PDCD1LG2: variants seen among roughly 807,000 people sequenced by gnomAD.
The protein encoded by PDCD1LG2 is programmed cell death 1 ligand 2, also known as B7 dendritic cell molecule.
PDCD1LG2 carries 32 observed loss-of-function variants against 28.2 expected under a neutral mutation model. The ratio of observed to expected loss-of-function variants is 1.13; its 90% confidence interval spans 0.86 to 1.52. The LOEUF is 1.52. Among genes scored for constraint, PDCD1LG2 ranks in the 40% most tolerant of loss-of-function variants. The pLI is 0.00. For missense variants in PDCD1LG2, 385 were observed against 323.8 expected (o/e 1.19, Z -1.45); for synonymous variants, 116 against 120.2 (o/e 0.97, Z 0.23).
At chr9:5,565,384 A>G (rs1317380781) in intron 6 of PDCD1LG2, among the ~76,000 whole-genome samples, 2 of 152,054 alleles carry the variant, frequency 1.3e-5, no homozygotes, top group African/African-American at 4.8e-5. Context: ...GGGTCTCACT[A>G]TGTTGCCCAG....
intron 6 of PDCD1LG2, among the ~76,000 whole-genome samples, chr9:5,567,617 C>A (rs1816691477): frequency 6.6e-6 from 1 of 152,154 alleles, no homozygotes; most frequent in Non-Finnish European, 1.5e-5. Flanking sequence ...ACATTGGGGG[C>A]TAAGAGATAT....
At chr9:5,553,029 C>A (rs906980661) in intron 4 of PDCD1LG2, among the ~76,000 whole-genome samples, 1 of 152,084 alleles carries the variant, frequency 6.6e-6, no homozygotes, top group African/African-American at 2.4e-5. Flanking sequence ...ATCACTTGAG[C>A]CCAGTAGATT....
chr9:5,565,316 G>A (rs569564969), intron 6 of PDCD1LG2, among the ~76,000 whole-genome samples: 147 of 152,104 alleles, frequency 9.7e-4, no homozygotes, highest in African/African-American at 3.3e-3. Flanking sequence ...TGAGTAGCTG[G>A]GACTACAGGT....
At chr9:5,529,154 T>G (rs895578741) in intron 2 of PDCD1LG2, among the ~76,000 whole-genome samples, 4 of 152,268 alleles carry the variant, frequency 2.6e-5, no homozygotes, top group Non-Finnish European at 5.9e-5. Context: ...ATTTTAATTT[T>G]GATGAAGTTT....
intron 1 of PDCD1LG2, among the ~76,000 whole-genome samples, chr9:5,512,008 T>C (rs889236022): frequency 1.6e-4 from 24 of 152,136 alleles, no homozygotes; most frequent in East Asian, 1.9e-4. Flanking sequence ...TCACCAGAAA[T>C]GAAATGTTCG....
At chr9:5,558,438 C>T (rs1183960773) in intron 5 of PDCD1LG2, among the ~76,000 whole-genome samples, 3 of 152,166 alleles carry the variant, frequency 2.0e-5, no homozygotes, top group South Asian at 2.1e-4. Context: ...CTGGGTGGAG[C>T]CTGCCCACAA....
chr9:5,569,183 C>T lies in PDCD1LG2; in HGVS notation c.817-771C>T, dbSNP rs1816723620. The stretch of plus-strand genomic sequence containing the variant: ...CAAGAGTGCTTCAGTTAGATCCTAG[C>T]AGGAAATGGAGGGTATGCTTAGAAG... On this transcript the variant is annotated intron_variant, in intron 6 of 6. Transcript: ENST00000397747. This position sits in a 1 kb window ranked among gnomAD's most constrained non-coding sequence, Gnocchi z 4.1. 6.6e-6 allele frequency among the ~76,000 whole-genome samples: 1 copy of T among 152,092 alleles called. No homozygotes were observed. The highest frequency in any genetic ancestry group is 2.4e-5 in the African/African-American group (1 of 41,406).
intron 3 of PDCD1LG2, among the ~76,000 whole-genome samples, chr9:5,545,525 T>G (rs948288737): frequency 2.6e-5 from 4 of 152,236 alleles, no homozygotes; most frequent in Admixed American, 6.5e-5. Flanking sequence ...AGAAAAATAT[T>G]ACTAAAGATA....
Position 5,567,557 on chromosome 9 carries a change from G to A in PDCD1LG2, c.817-2397G>A, listed in dbSNP as rs566432781. ...TAGTTATTACAGTCATCAAGCCTTG[G>A]TTAGAGTTTACAGACCATGTATCCT... On this transcript the variant is annotated intron_variant, in intron 6 of 6. Coordinates refer to ENST00000397747, the MANE Select transcript of PDCD1LG2 (RefSeq NM_025239.4). Among the ~76,000 whole-genome samples the A allele has an allele frequency of 9.8e-5, 15 of 152,298 alleles. 1 individual carries two copies. Among genetic ancestry groups the A allele is most frequent in the African/African-American group, 3.6e-4 (15 of 41,560 alleles).
chr9:5,550,828 G>C (rs369466161), intron 4 of PDCD1LG2, among the ~76,000 whole-genome samples: 6 of 152,102 alleles, frequency 3.9e-5, no homozygotes, highest in Non-Finnish European at 8.8e-5. Flanking sequence ...TGAGTAGCTG[G>C]GATTACAGGC....
chr9:5,562,886 G>C (rs746539482), intron 5 of PDCD1LG2, among the ~76,000 whole-genome samples: 1 of 152,216 alleles, frequency 6.6e-6, no homozygotes, highest in African/African-American at 2.4e-5. Flanking sequence ...ACATTTCCTG[G>C]ATTGAATACC....
chr9:5,558,195 A>G (rs1816485166), intron 5 of PDCD1LG2, among the ~76,000 whole-genome samples: 2 of 152,104 alleles, frequency 1.3e-5, no homozygotes, highest in African/African-American at 4.8e-5. Context: ...AGGAATCTCA[A>G]CCTCACGGTT....
intron 2 of PDCD1LG2, among the ~76,000 whole-genome samples, chr9:5,527,784 G>A (rs568238539): frequency 6.6e-6 from 1 of 152,170 alleles, no homozygotes; most frequent in Non-Finnish European, 1.5e-5. Context: ...AAGTATATGA[G>A]AGTTCTAATT....
At chr9:5,537,184 T>C (rs1820595969) in intron 3 of PDCD1LG2, among the ~76,000 whole-genome samples, 1 of 152,260 alleles carries the variant, frequency 6.6e-6, no homozygotes, top group African/African-American at 2.4e-5. Context: ...ATGGCATTGC[T>C]GTAACGAAAC....
chr9:5,518,041 G>C (rs1449593055), intron 1 of PDCD1LG2, among the ~76,000 whole-genome samples: 5 of 152,214 alleles, frequency 3.3e-5, no homozygotes, highest in Non-Finnish European at 5.9e-5. Context: ...ACAGGACTAG[G>C]GGATGGGCCA....
chr9:5,553,938 C>G (rs1816385565), intron 4 of PDCD1LG2, among the ~76,000 whole-genome samples: 1 of 152,142 alleles, frequency 6.6e-6, no homozygotes, highest in African/African-American at 2.4e-5. Flanking sequence ...TGCACCTTTT[C>G]TACCTCCATG....
At position 5,563,327 on chromosome 9, in the gene PDCD1LG2, T is replaced by A. The variant is rs375515196; in HGVS notation, c.816+116T>A. 53 of 877,256 alleles carry A rather than the reference T, an allele frequency of 6.0e-5. No homozygotes were observed. In the East Asian group the frequency reaches 6.4e-4, roughly 11 times the overall value. The allele number at this position is 877,256 out of a possible 1,614,324, so 54.3% of individuals were successfully genotyped here. ...AAGGCAACTGAATAGTTCCAGCTTA[T>A]AGAATCTTCCTGTTTGGTAGCATTT... On this transcript the variant is annotated intron_variant, in intron 6 of 6. Coordinates refer to ENST00000397747, the MANE Select transcript of PDCD1LG2 (RefSeq NM_025239.4).
At chr9:5,536,140 A>T (rs1317953452) in intron 3 of PDCD1LG2, among the ~76,000 whole-genome samples, 1 of 152,210 alleles carries the variant, frequency 6.6e-6, no homozygotes, top group Non-Finnish European at 1.5e-5. Flanking sequence ...GGGACTGGAC[A>T]TGAGGATGAA....
At chr9:5,523,546 T>C (rs1309965848) in intron 2 of PDCD1LG2, among the ~76,000 whole-genome samples, 1 of 152,210 alleles carries the variant, frequency 6.6e-6, no homozygotes, top group Non-Finnish European at 1.5e-5. Flanking sequence ...ACTAGAGACA[T>C]GCACTTGGGG....
Sources: allele counts gnomAD v4.1 joint callset (sites outside exome capture counted in the v4.1 genomes callset), GRCh38; gene constraint gnomAD v4.1.1; non-coding constraint Gnocchi (gnomAD v3.1); transcripts MANE v1.5; gene names NCBI Gene and HGNC (gene_info 2026-07-23, HGNC 2026-07-21).